AFF3: variants seen among roughly 807,000 people sequenced by gnomAD.
AFF3 encodes ALF transcription elongation factor 3.
A neutral mutation model predicts 129.7 loss-of-function variants in AFF3; 32 were observed. That is an observed-to-expected ratio of 0.25 (90% confidence interval 0.19 to 0.33). The LOEUF (loss-of-function observed/expected upper bound fraction) is 0.33. Among genes scored for constraint, AFF3 ranks in the 10% least tolerant of loss-of-function variants. AFF3 has a pLI of 1.00. For synonymous variants in AFF3, 644 were observed against 635.4 expected (o/e 1.01, Z -0.20); for missense variants, 1,373 against 1,592.0 (o/e 0.86, Z 2.34).
intron 20 of AFF3, among the ~76,000 whole-genome samples, chr2:99,563,890 C>T (rs564897242): frequency 7.7e-4 from 115 of 149,692 alleles, no homozygotes; most frequent in African/African-American, 2.5e-3. Context: ...CTGTATTTTG[C>T]GTGATTCTAT....
intron 18 of AFF3, among the ~76,000 whole-genome samples, chr2:99,569,840 A>G (rs1676315875): frequency 6.6e-6 from 1 of 152,226 alleles, no homozygotes; most frequent in South Asian, 2.1e-4. Flanking sequence ...GGAAGTAGTG[A>G]TATTAATCAT....
chr2:100,134,044 A>C (rs576456571), intron 1 of AFF3, among the ~76,000 whole-genome samples: 2 of 152,200 alleles, frequency 1.3e-5, no homozygotes, highest in Non-Finnish European at 2.9e-5. Flanking sequence ...CACTGGACTA[A>C]TATGGTACAA....
intron 8 of AFF3, among the ~76,000 whole-genome samples, chr2:99,791,063 T>C (rs1429512386): frequency 6.6e-6 from 1 of 152,218 alleles, no homozygotes; most frequent in Non-Finnish European, 1.5e-5. Flanking sequence ...ATTCCATCTT[T>C]TTCTAGACAG....
At chr2:100,050,542 G>A (rs1279253523) in intron 4 of AFF3, among the ~76,000 whole-genome samples, 4 of 152,132 alleles carry the variant, frequency 2.6e-5, no homozygotes, top group Non-Finnish European at 4.4e-5. Context: ...CAGCTTAGGT[G>A]AGAGTTCCTG....
chr2:100,045,370 T>C (rs74864027), intron 4 of AFF3, among the ~76,000 whole-genome samples: 2 of 152,168 alleles, frequency 1.3e-5, no homozygotes, highest in Non-Finnish European at 2.9e-5. Flanking sequence ...TGCAGACTAA[T>C]GTACTTCTTA....
intron 5 of AFF3, 93 bp downstream of exon 5, chr2:100,008,719 G>A (rs1372437784): frequency 1.0e-5 from 15 of 1,453,846 alleles, no homozygotes; most frequent in Admixed American, 4.1e-5. Context: ...ATGCAGTCAA[G>A]TTTGGTCGGC....
intron 13 of AFF3, among the ~76,000 whole-genome samples, chr2:99,641,025 A>G (rs985866728): frequency 6.6e-6 from 1 of 152,154 alleles, no homozygotes; most frequent in Non-Finnish European, 1.5e-5. Context: ...GCCCACAGCC[A>G]CAGAGGGGAG....
intron 7 of AFF3, among the ~76,000 whole-genome samples, chr2:99,969,597 T>C (rs1298754749): frequency 6.6e-6 from 1 of 152,136 alleles, no homozygotes; most frequent in Non-Finnish European, 1.5e-5. Context: ...CAAAAGATTC[T>C]CCTGCCTCAG....
intron 9 of AFF3, among the ~76,000 whole-genome samples, chr2:99,744,924 A>G (rs1159801186): frequency 1.3e-5 from 2 of 152,188 alleles, no homozygotes; most frequent in East Asian, 1.9e-4. Context: ...TCTGGGTTAT[A>G]TAACTCTATG....
chr2:99,678,530 GGC>G (rs1395575682), intron 11 of AFF3, among the ~76,000 whole-genome samples: 5 of 152,044 alleles, frequency 3.3e-5, no homozygotes, highest in Non-Finnish European at 7.4e-5. Context: ...TGTCATTTGG[GGC>G]CCTTAACAGA....
intron 1 of AFF3, among the ~76,000 whole-genome samples, chr2:100,136,135 A>G (rs1337601805): frequency 6.6e-6 from 1 of 152,216 alleles, no homozygotes; most frequent in Non-Finnish European, 1.5e-5. Flanking sequence ...ACACACATTC[A>G]AAAGGAGAGA....
chr2:99,935,877 G>A (rs575247403), intron 7 of AFF3, among the ~76,000 whole-genome samples: 4 of 152,080 alleles, frequency 2.6e-5, no homozygotes, highest in Non-Finnish European at 2.9e-5. Flanking sequence ...AGTCCCCAGC[G>A]ACATGGAGGA....
At chr2:99,793,424 T>C (rs1017672199) in intron 8 of AFF3, among the ~76,000 whole-genome samples, 2 of 152,206 alleles carry the variant, frequency 1.3e-5, no homozygotes, top group African/African-American at 4.8e-5. Context: ...CTAACACACA[T>C]GGAATTTGGG....
intron 13 of AFF3, among the ~76,000 whole-genome samples, chr2:99,634,169 A>C (rs1683396077): frequency 6.6e-6 from 1 of 152,112 alleles, no homozygotes; most frequent in South Asian, 2.1e-4. Context: ...CGGCCTTCCA[A>C]AGTGCTGGGA....
chr2:100,070,528 T>C (rs890517961), intron 4 of AFF3, among the ~76,000 whole-genome samples: 3 of 152,348 alleles, frequency 2.0e-5, no homozygotes, highest in East Asian at 3.9e-4. Context: ...ACGATGTTCA[T>C]AGTTTATTCT....
intron 8 of AFF3, among the ~76,000 whole-genome samples, chr2:99,830,126 G>T (rs1336384201): frequency 6.6e-6 from 1 of 152,112 alleles, no homozygotes; most frequent in African/African-American, 2.4e-5. Flanking sequence ...CTATCAGAGG[G>T]TGGAGGGCAA....
intron 4 of AFF3, among the ~76,000 whole-genome samples, chr2:100,046,227 T>C (rs1257455563): frequency 2.6e-5 from 4 of 152,210 alleles, no homozygotes; most frequent in African/African-American, 9.7e-5. Flanking sequence ...TACATTATCC[T>C]ATACCTACTC....
intron 2 of AFF3, among the ~76,000 whole-genome samples, chr2:100,128,390 T>G (rs1692289029): frequency 6.6e-6 from 1 of 152,060 alleles, no homozygotes; most frequent in Non-Finnish European, 1.5e-5. Flanking sequence ...CACCCCTAGT[T>G]CTCTCTCTTT....
At chr2:99,922,069 T>A (rs1695893344) in intron 7 of AFF3, among the ~76,000 whole-genome samples, 1 of 152,162 alleles carries the variant, frequency 6.6e-6, no homozygotes, top group South Asian at 2.1e-4. Context: ...CAACTGTTGA[T>A]GAGGATATGG....
Sources: allele counts gnomAD v4.1 joint callset (sites outside exome capture counted in the v4.1 genomes callset), GRCh38; gene constraint gnomAD v4.1.1; transcripts MANE v1.5; gene names NCBI Gene and HGNC (gene_info 2026-07-23, HGNC 2026-07-21).